Variants in CSMD2 observed in about 807,000 individuals in gnomAD.
The protein encoded by CSMD2 is CUB and Sushi multiple domains 2.
In CSMD2, 130 loss-of-function variants were observed where a neutral mutation model predicts 398.5. The observed-to-expected ratio is 0.33, with a 90% confidence interval of 0.28 to 0.38. The LOEUF (loss-of-function observed/expected upper bound fraction) is 0.38, where lower values mean the gene tolerates loss of function less well. Ranked by LOEUF, CSMD2 falls within the 10% of genes least tolerant of loss-of-function variation. The probability of loss-of-function intolerance (pLI) is 1.00; values close to 1 mark genes in which losing one functional copy is unlikely to be tolerated. For missense variants in CSMD2, 3,829 were observed against 4,764.9 expected, an observed-to-expected ratio of 0.80 and a Z score of 5.78; for synonymous variants, 1,828 against 1,908.5, an observed-to-expected ratio of 0.96 and a Z score of 1.10.
intron 21 of CSMD2, among the ~76,000 whole-genome samples, chr1:33,709,717 C>T (rs1377696745): frequency 1.3e-5 from 2 of 152,146 alleles, no homozygotes; most frequent in East Asian, 1.9e-4. Flanking sequence ...ACATCATAAT[C>T]GCTAACCCTT....
At chr1:33,654,800 C>T (rs1055604572) in intron 27 of CSMD2, among the ~76,000 whole-genome samples, 3 of 152,254 alleles carry the variant, frequency 2.0e-5, no homozygotes, top group African/African-American at 7.2e-5. Context: ...TTCTGGTTCC[C>T]AGCCTCCACG....
At chr1:33,972,972 G>A (rs1248117540) in intron 3 of CSMD2, among the ~76,000 whole-genome samples, 2 of 152,182 alleles carry the variant, frequency 1.3e-5, no homozygotes, top group African/African-American at 4.8e-5. Flanking sequence ...CTCCCTTGCA[G>A]ACTGAGAGAC....
chr1:33,796,867 TG>T (rs1190798680), intron 10 of CSMD2, among the ~76,000 whole-genome samples: 2 of 152,114 alleles, frequency 1.3e-5, no homozygotes, highest in East Asian at 3.9e-4. Flanking sequence ...AATGCATTCC[TG>T]GGGGGAGGTC....
At chr1:33,567,002 A>G (rs563985660) in intron 53 of CSMD2, among the ~76,000 whole-genome samples, 2 of 152,308 alleles carry the variant, frequency 1.3e-5, no homozygotes, top group South Asian at 4.1e-4. Context: ...CATTCATAAC[A>G]ACTGACCAAC....
Position 33,519,832 on chromosome 1 carries a change from C to T in CSMD2, c.10716G>A (p.Val3572=). The T allele has an allele frequency of 4.3e-6, 7 of 1,613,924 alleles. No homozygotes were observed. Among genetic ancestry groups the T allele is most frequent in the South Asian group, 1.1e-5 (1 of 91,054 alleles). ...GGTACCTGTGCTTGTAGAGATAGAG[C>T]ACGAAGCCCGCAATAATGAGGGCGA... ...PFIALIIAGF[V]LYLYKHRRRP... is the part of the protein sequence containing the mutation. The change falls in exon 69 of 71, where the codon GTG becomes GTA. Residue 3572 remains valine, a synonymous_variant. Coordinates refer to ENST00000373381, the MANE Select transcript of CSMD2 (RefSeq NM_001281956.2). The surrounding 1 kb of genome is among the most constrained non-coding windows in gnomAD (Gnocchi z 5.6).
chr1:34,086,383 A>G (rs950590031), intron 2 of CSMD2, among the ~76,000 whole-genome samples: 3 of 152,122 alleles, frequency 2.0e-5, no homozygotes, highest in African/African-American at 7.2e-5. Flanking sequence ...GACGGCCTTG[A>G]ACTCAAAAAC....
At chr1:34,028,051 G>A (rs959406400) in intron 3 of CSMD2, among the ~76,000 whole-genome samples, 4 of 152,210 alleles carry the variant, frequency 2.6e-5, no homozygotes, top group Non-Finnish European at 4.4e-5. Flanking sequence ...CAGTGTGGTG[G>A]CTCATGCTTG....
chr1:34,080,098 G>A (rs1227054962), intron 2 of CSMD2, among the ~76,000 whole-genome samples: 1 of 143,054 alleles, frequency 7.0e-6, no homozygotes, highest in Non-Finnish European at 1.5e-5. Context: ...AAAAAAGAGT[G>A]TAATATTGGT....
intron 1 of CSMD2, among the ~76,000 whole-genome samples, chr1:34,141,412 T>C (rs144150046): frequency 1.1e-3 from 173 of 152,220 alleles, no homozygotes; most frequent in Admixed American, 1.9e-3. Context: ...CTAAGAACTA[T>C]GAAGGAAGCC....
At chr1:34,072,244 A>T (rs1406395890) in intron 2 of CSMD2, among the ~76,000 whole-genome samples, 1 of 152,250 alleles carries the variant, frequency 6.6e-6, no homozygotes, top group Non-Finnish European at 1.5e-5. Context: ...CTTTAATTCC[A>T]AGAGAATGAG....
Position 33,724,683 on chromosome 1 carries a change from T to A in CSMD2, c.2717A>T (p.His906Leu), listed in dbSNP as rs760479351. ...RYETITLQSD[H>L]CLDPGIPVNG... is the part of the protein sequence containing the mutation. Reference sequence around the variant, plus strand: ...TACTGGGATTCCTGGATCCAGACAGTGGTCTGACTGCAGTGTTATAGCTGA... The same window carrying A: ...TACTGGGATTCCTGGATCCAGACAGAGGTCTGACTGCAGTGTTATAGCTGA... Residue 906 changes from histidine to leucine, a missense_variant, in exon 18 of 71, where the codon CAC becomes CTC. This residue lies in a region of CSMD2 where 2,001 missense variants were observed against 2,567.1 expected (regional missense o/e 0.78). Coordinates refer to ENST00000373381, the MANE Select transcript of CSMD2 (RefSeq NM_001281956.2). 5.6e-6 allele frequency: 9 copies of A among 1,613,968 alleles called. No individual in the cohort carries two copies. The highest frequency in any genetic ancestry group is 7.6e-6 in the Non-Finnish European group (9 of 1,179,982).
chr1:33,847,595 T>C (rs543916841), intron 5 of CSMD2, among the ~76,000 whole-genome samples: 1 of 152,192 alleles, frequency 6.6e-6, no homozygotes, highest in East Asian at 1.9e-4. Flanking sequence ...TGGCACATGT[T>C]AGCTTAATAA....
rs571325444 is a variant in CSMD2, at chr1:34,108,198, C to T, written c.188-19005G>A. Among the ~76,000 whole-genome samples, 9 of 152,198 alleles carry T rather than the reference C, an allele frequency of 5.9e-5. No individual in the cohort carries two copies. The South Asian group carries it at 1.2e-3, about 21-fold the overall frequency. ...TAAAGAAAATAGGCAACTTCAAGCCCTGTGCCCTTATGTGAGACATATTTG... is the reference window on the plus strand; with the variant it reads ...TAAAGAAAATAGGCAACTTCAAGCCTTGTGCCCTTATGTGAGACATATTTG... On this transcript the variant is annotated intron_variant, in intron 1 of 70. Transcript: ENST00000373381.
chr1:33,947,183 G>A (rs989427431), intron 3 of CSMD2, among the ~76,000 whole-genome samples: 1 of 152,192 alleles, frequency 6.6e-6, no homozygotes, highest in African/African-American at 2.4e-5. Flanking sequence ...TGGTGAGGCT[G>A]CACACCTGGA....
In CSMD2 at chr1:33,611,115, G is replaced by A. The variant is rs776342044; in HGVS notation, c.6269C>T (p.Thr2090Met). 1.9e-6 allele frequency: 3 copies of A among 1,614,108 alleles called. No individual in the cohort carries two copies. Among genetic ancestry groups the A allele is most frequent in the Non-Finnish European group, 2.5e-6 (3 of 1,180,012 alleles). The change falls in exon 41 of 71, where the codon ACG becomes ATG. Residue 2090 changes from threonine (T) to methionine (M), a missense_variant. Transcript: ENST00000373381. ...GAAATACACGGTGGTCTCGTGGGACGTGGAGAGGAGGGAGCTTGGAAGCTC... is the reference window on the plus strand; with the variant it reads ...GAAATACACGGTGGTCTCGTGGGACATGGAGAGGAGGGAGCTTGGAAGCTC... ...GSELPSSLLS[T>M]SHETTVYFHS...
At chr1:33,536,955 C>A (rs1655854451) in intron 62 of CSMD2, 67 bp downstream of exon 62, 3 of 1,501,920 alleles carry the variant, frequency 2.0e-6, no homozygotes, top group East Asian at 4.5e-5. Context: ...TCTCTGGGTC[C>A]TCTTATGTTG....
chr1:33,946,299 AC>A (rs1644834890), intron 3 of CSMD2, among the ~76,000 whole-genome samples: 1 of 152,254 alleles, frequency 6.6e-6, no homozygotes, highest in Admixed American at 6.5e-5. Context: ...AATAAGATAA[AC>A]CTGAGTTGCT....
intron 5 of CSMD2, among the ~76,000 whole-genome samples, chr1:33,899,166 G>A (rs1314310288): frequency 6.6e-6 from 1 of 152,236 alleles, no homozygotes; most frequent in Non-Finnish European, 1.5e-5. Context: ...GCTGATGGCA[G>A]TCTGTCCCAC....
chr1:34,044,448 C>T (rs888176310), intron 2 of CSMD2, among the ~76,000 whole-genome samples: 12 of 152,100 alleles, frequency 7.9e-5, no homozygotes, highest in Non-Finnish European at 1.3e-4. Flanking sequence ...GGCTGGGGTT[C>T]TGTGGAACCC....
Sources: allele counts gnomAD v4.1 joint callset (sites outside exome capture counted in the v4.1 genomes callset), GRCh38; gene constraint gnomAD v4.1.1; regional missense constraint gnomAD v4.1.1; non-coding constraint Gnocchi (gnomAD v3.1); transcripts MANE v1.5; gene names NCBI Gene and HGNC (gene_info 2026-07-23, HGNC 2026-07-21).